Variants in PTPN20 observed in about 807,000 individuals in gnomAD.
PTPN20 encodes the protein tyrosine-protein phosphatase non-receptor type 20.
A neutral mutation model predicts 35.0 loss-of-function variants in PTPN20; 9 were observed. The ratio of observed to expected loss-of-function variants is 0.26; its 90% CI spans 0.15 to 0.45. The LOEUF (loss-of-function observed/expected upper bound fraction) is 0.45. Ranked by LOEUF, PTPN20 falls within the 20% of genes least tolerant of loss-of-function variation. PTPN20 has a pLI of 1.00. For synonymous variants in PTPN20, 32 were observed against 100.2 expected (o/e 0.32, Z 4.06); for missense variants, 111 against 312.5 (o/e 0.36, Z 4.86).
intron 1 of PTPN20, among the ~76,000 whole-genome samples, chr10:46,927,493 A>G (rs1316157026): frequency 1.3e-5 from 2 of 152,158 alleles, no homozygotes; most frequent in Non-Finnish European, 1.5e-5. Flanking sequence ...CTCCCCCTGA[A>G]TTTACATATG....
At chr10:46,936,421 C>T (rs1287182365) in intron 2 of PTPN20, among the ~76,000 whole-genome samples, 1 of 152,056 alleles carries the variant, frequency 6.6e-6, no homozygotes, top group Non-Finnish European at 1.5e-5. Flanking sequence ...GATTTAGTAT[C>T]TATTCCATAG....
intron 5 of PTPN20, among the ~76,000 whole-genome samples, chr10:46,952,131 C>CAAAA (rs2046884394): frequency 8.0e-6 from 1 of 124,446 alleles, no homozygotes; most frequent in African/African-American, 3.2e-5. Flanking sequence ...CCCATGTTCA[C>CAAAA]CTTCCAGATC....
chr10:46,951,251 C>G (rs1444280755), intron 5 of PTPN20, among the ~76,000 whole-genome samples: 1 of 152,076 alleles, frequency 6.6e-6, no homozygotes, highest in East Asian at 1.9e-4. Flanking sequence ...TCTTGGTCTC[C>G]CAAAGTGCTG....
intron 5 of PTPN20, among the ~76,000 whole-genome samples, chr10:46,957,511 A>G (rs2048748424): frequency 1.3e-5 from 2 of 152,088 alleles, no homozygotes; most frequent in African/African-American, 4.8e-5. Context: ...CAAGGCAGGC[A>G]GATCACCTGA....
At chr10:47,000,590 C>T in intron 10 of PTPN20, 86 bp from the exon 11 acceptor site, 1 of 1,531,242 alleles carries the variant, frequency 6.5e-7, no homozygotes. Flanking sequence ...TCCAGTGTGG[C>T]TGAAAATTAC....
intron 5 of PTPN20, among the ~76,000 whole-genome samples, chr10:46,960,551 A>G (rs1448799701): frequency 3.3e-5 from 5 of 151,448 alleles, no homozygotes; most frequent in Admixed American, 2.0e-4. Flanking sequence ...TTGTTCATGT[A>G]TATTGTCTAC....
intron 1 of PTPN20, chr10:46,926,037 G>A: frequency 1.0e-6 from 1 of 985,196 alleles, no homozygotes; most frequent in Non-Finnish European, 1.2e-6. Flanking sequence ...TTGCGAAACT[G>A]TTCTTATCTA....
Position 46,923,137 on chromosome 10 carries a change from T to C in PTPN20, c.-123-9240T>C, listed in dbSNP as rs563691952. On this transcript the variant is annotated intron_variant, in intron 1 of 10. Transcript: ENST00000374339. ...GGAGAGAAGACTGTTGTGGTTTAAA[T>C]TGTGTGAGACAGTTGAATCGTGCTG... is the stretch of plus-strand genomic sequence containing the variant. Among the ~76,000 whole-genome samples, 8 of 143,968 alleles carry C rather than the reference T, an allele frequency of 5.6e-5. No individual in the cohort carries two copies. In the East Asian group the frequency reaches 1.6e-3, roughly 28 times the overall value. The allele number at this position is 143,968 out of a possible 152,430, so 94.4% of individuals were successfully genotyped here. A position where few individuals can be genotyped will look rare whatever the true frequency, so the allele number is the denominator to read the frequency against.
chr10:46,975,381 C>T, intron 7 of PTPN20, among the ~76,000 whole-genome samples: 2 of 132,418 alleles, frequency 1.5e-5, no homozygotes, highest in Middle Eastern at 7.1e-3. Flanking sequence ...TTTGTTTCTG[C>T]TACTACCACC....
chr10:46,995,333 C>CTTTTTTTTTTTTTTTT (rs878968027), intron 9 of PTPN20, among the ~76,000 whole-genome samples: 1 of 85,658 alleles, frequency 1.2e-5, no homozygotes, highest in Non-Finnish European at 2.2e-5. Flanking sequence ...TTTTTTTTTT[C>CTTTTTTTTTTTTTTTT]TTTTTTTTTT....
chr10:46,994,009 A>G (rs1476096666), intron 9 of PTPN20, among the ~76,000 whole-genome samples: 2 of 152,008 alleles, frequency 1.3e-5, no homozygotes, highest in Non-Finnish European at 2.9e-5. Flanking sequence ...GAATCCTCAG[A>G]TTTTGTTTAT....
chr10:46,947,032 TAAC>T (rs1320386828), intron 5 of PTPN20, among the ~76,000 whole-genome samples: 1 of 148,806 alleles, frequency 6.7e-6, no homozygotes, highest in Admixed American at 6.7e-5. Context: ...AGTAAAATAA[TAAC>T]ATTTTTGGAT....
chr10:46,999,326 T>G (rs2059701402), intron 9 of PTPN20, among the ~76,000 whole-genome samples: 1 of 152,156 alleles, frequency 6.6e-6, no homozygotes, highest in African/African-American at 2.4e-5. Flanking sequence ...CTATATCCTG[T>G]TCAGTTGAGC....
chr10:46,919,256 G>T (rs2034280935), intron 1 of PTPN20, among the ~76,000 whole-genome samples: 1 of 152,156 alleles, frequency 6.6e-6, no homozygotes, highest in Non-Finnish European at 1.5e-5. Context: ...TTTTAATTTG[G>T]ATGGCCAGAC....
At chr10:46,999,052 C>A (rs891779129) in intron 9 of PTPN20, among the ~76,000 whole-genome samples, 1 of 152,004 alleles carries the variant, frequency 6.6e-6, no homozygotes, top group South Asian at 2.1e-4. Context: ...ATGATGACAC[C>A]GCTGTACTCC....
chr10:46,983,045 G>A (rs1444818275), intron 7 of PTPN20, among the ~76,000 whole-genome samples: 3 of 149,550 alleles, frequency 2.0e-5, no homozygotes, highest in South Asian at 2.1e-4. Flanking sequence ...TTGAAATACC[G>A]GGTATCTTTA....
chr10:46,979,614 C>G (rs1160502662), intron 7 of PTPN20, among the ~76,000 whole-genome samples: 1 of 108,174 alleles, frequency 9.2e-6, no homozygotes, highest in Admixed American at 8.2e-5. Flanking sequence ...ACATCCCATT[C>G]AACTCACCTA....
At position 46,932,403 on chromosome 10, in the gene PTPN20, C is replaced by G; in HGVS notation, c.-97C>G. ...TGAACAAAAATTGTTTGCTGGCCCC[C>G]AGGATACTAACTAGACCTTTGGCCT... On this transcript the variant is annotated 5_prime_UTR_variant, in exon 2 of 11. Coordinates refer to ENST00000374339, the MANE Select transcript of PTPN20 (RefSeq NM_001042357.5). The G allele has an allele frequency of 1.2e-6, 2 of 1,608,502 alleles. No individual in the cohort carries two copies. The highest frequency in any genetic ancestry group is 1.7e-6 in the Non-Finnish European group (2 of 1,178,450).
In PTPN20 at chr10:46,957,585, G is replaced by T. The variant is rs1436710221; in HGVS notation, c.341-7401G>T. On this transcript the variant is annotated intron_variant, in intron 5 of 10. Coordinates refer to ENST00000374339, the MANE Select transcript of PTPN20 (RefSeq NM_001042357.5). The stretch of plus-strand genomic sequence containing the variant: ...TACTAAAGAAAAAGTACAAAAATTA[G>T]CCAGACGTGGTAGCAGTTGCCTGTA... Among the ~76,000 whole-genome samples the T allele has an allele frequency of 1.9e-3, 288 of 152,126 alleles. 4 individuals carry two copies. Among genetic ancestry groups the T allele is most frequent in the African/African-American group, 6.6e-3 (273 of 41,416 alleles).
Sources: gnomAD v4.1 joint callset for allele counts (sites outside exome capture counted in the v4.1 genomes callset) on GRCh38, gnomAD v4.1.1 for gene constraint, MANE v1.5 for transcripts, NCBI Gene and HGNC (gene_info 2026-07-23, HGNC 2026-07-21) for gene names.